Variants in NOVA1 observed in about 807,000 individuals in gnomAD.
The protein encoded by NOVA1 is RNA-binding protein Nova-1.
A neutral mutation model predicts 38.0 loss-of-function variants in NOVA1; 7 were observed. That is an observed-to-expected ratio of 0.18 (90% CI 0.10 to 0.35). The LOEUF (loss-of-function observed/expected upper bound fraction) is 0.35, where lower values mean the gene tolerates loss of function less well. Ranked by LOEUF, NOVA1 falls within the 10% of genes least tolerant of loss-of-function variation. The probability of loss-of-function intolerance (pLI) is 1.00; values close to 1 mark genes in which losing one functional copy is unlikely to be tolerated. For missense variants in NOVA1, 460 were observed against 616.0 expected, an observed-to-expected ratio of 0.75 and a Z score of 2.68; for synonymous variants, 270 against 232.5, an observed-to-expected ratio of 1.16 and a Z score of -1.47.
At chr14:26,473,220 A>T (rs188999529) in intron 3 of NOVA1, among the ~76,000 whole-genome samples, 3 of 151,798 alleles carry the variant, frequency 2.0e-5, no homozygotes, top group African/African-American at 7.2e-5. Context: ...AATATGTTGT[A>T]TAAGGCCATC....
intron 2 of NOVA1, among the ~76,000 whole-genome samples, chr14:26,594,787 C>T (rs1418440626): frequency 7.0e-6 from 1 of 141,910 alleles, no homozygotes; most frequent in African/African-American, 2.6e-5. Flanking sequence ...ACACTGTCAA[C>T]ATATTTAATC....
chr14:26,488,619 G>T (rs185940522), intron 2 of NOVA1, among the ~76,000 whole-genome samples: 16 of 152,054 alleles, frequency 1.1e-4, no homozygotes, highest in Non-Finnish European at 2.4e-4. Context: ...CTCAGCATAG[G>T]TTTATGCTAA....
chr14:26,552,930 C>T (rs549719481), intron 2 of NOVA1, among the ~76,000 whole-genome samples: 75 of 152,260 alleles, frequency 4.9e-4, no homozygotes, highest in African/African-American at 1.7e-3. Flanking sequence ...GAGATAGGAA[C>T]ATGCGATCAA....
At chr14:26,454,193 A>G (rs374640945) in intron 4 of NOVA1, among the ~76,000 whole-genome samples, 1 of 152,154 alleles carries the variant, frequency 6.6e-6, no homozygotes, top group Non-Finnish European at 1.5e-5. Context: ...AAGTTTTAAG[A>G]AAGTTTACGA....
At chr14:26,545,351 T>G (rs987477854) in intron 2 of NOVA1, among the ~76,000 whole-genome samples, 2 of 152,024 alleles carry the variant, frequency 1.3e-5, no homozygotes, top group African/African-American at 4.8e-5. Context: ...ATACAGAGGA[T>G]AGTAGCCTAG....
intron 4 of NOVA1, among the ~76,000 whole-genome samples, chr14:26,455,650 G>A (rs1883106609): frequency 6.6e-6 from 1 of 151,080 alleles, no homozygotes; most frequent in Non-Finnish European, 1.5e-5. Context: ...AAAATTTAAA[G>A]ATATACAACA....
intron 2 of NOVA1, among the ~76,000 whole-genome samples, chr14:26,589,243 T>A (rs1893703600): frequency 6.6e-6 from 1 of 151,716 alleles, no homozygotes. Context: ...AAGGGCTGAT[T>A]AATGAACAGG....
At chr14:26,490,925 C>T (rs1450520786) in intron 2 of NOVA1, among the ~76,000 whole-genome samples, 3 of 144,824 alleles carry the variant, frequency 2.1e-5, no homozygotes, top group African/African-American at 7.6e-5. Context: ...TCTCGGCTCA[C>T]TGCAAGCTCC....
intron 2 of NOVA1, among the ~76,000 whole-genome samples, chr14:26,496,607 C>T (rs1566478621): frequency 1.3e-5 from 2 of 152,084 alleles, no homozygotes; most frequent in Non-Finnish European, 1.5e-5. Flanking sequence ...GGTTTTCTTC[C>T]AGGCTGTTTA....
chr14:26,452,180 C>A (rs1420217284), intron 4 of NOVA1, among the ~76,000 whole-genome samples: 1 of 152,148 alleles, frequency 6.6e-6, no homozygotes, highest in Non-Finnish European at 1.5e-5. Context: ...ATCCTCTTTG[C>A]CTTACACTGT....
intron 2 of NOVA1, among the ~76,000 whole-genome samples, chr14:26,555,994 A>C (rs1409168253): frequency 6.6e-6 from 1 of 152,158 alleles, no homozygotes; most frequent in Non-Finnish European, 1.5e-5. Context: ...TATTCCAATG[A>C]AAGAAATCAA....
chr14:26,595,562 T>C lies in NOVA1; in HGVS notation c.137-9A>G. ...AAAATACTGGCCGTCTTCTGAAAAA[T>C]GCAAAGAAATATACTCGGTTAACAC... On this transcript the variant is annotated splice_polypyrimidine_tract_variant and intron_variant, in intron 1 of 4. Coordinates refer to ENST00000539517, the MANE Select transcript of NOVA1 (RefSeq NM_002515.3). 9.9e-6 allele frequency: 16 copies of C among 1,611,270 alleles called. No homozygotes were observed. Among genetic ancestry groups the C allele is most frequent in the Non-Finnish European group, 1.3e-5 (15 of 1,179,066 alleles).
chr14:26,546,075 A>C (rs537260189), intron 2 of NOVA1, among the ~76,000 whole-genome samples: 19 of 152,254 alleles, frequency 1.2e-4, no homozygotes, highest in African/African-American at 4.6e-4. Flanking sequence ...CAAAGATATG[A>C]GTATTATATC....
chr14:26,536,296 A>G (rs899500007), intron 2 of NOVA1, among the ~76,000 whole-genome samples: 4 of 152,118 alleles, frequency 2.6e-5, no homozygotes, highest in Non-Finnish European at 5.9e-5. Flanking sequence ...ACTATTTGAT[A>G]GTATAATAGG....
At chr14:26,494,209 C>G (rs1244221865) in intron 2 of NOVA1, among the ~76,000 whole-genome samples, 1 of 152,166 alleles carries the variant, frequency 6.6e-6, no homozygotes, top group Non-Finnish European at 1.5e-5. Context: ...TCCAAAACCT[C>G]TTTTATGAAT....
At chr14:26,529,528 G>C (rs929518638) in intron 2 of NOVA1, among the ~76,000 whole-genome samples, 1 of 152,164 alleles carries the variant, frequency 6.6e-6, no homozygotes, top group African/African-American at 2.4e-5. Context: ...TGATGCTCCA[G>C]CAATGGTGAA....
rs1881951743 is a variant in NOVA1 at position 26,444,856 on chromosome 14, CAAACAAA to C, written c.*3096_*3102del. Reference sequence around the variant, plus strand: ...AAAAACAAAAAAACAAACAAACAAACAAACAAAAAAAAAACAAAAAAACTGCAATGCA... The same window carrying C: ...AAAAACAAAAAAACAAACAAACAAACAAAAAAACAAAAAAACTGCAATGCA... On this transcript the variant is annotated 3_prime_UTR_variant, in exon 5 of 5. Transcript: ENST00000539517. 1 of 141,652 alleles carries C rather than the reference CAAACAAA, an allele frequency of 7.1e-6. No homozygotes were observed. Among genetic ancestry groups the C allele is most frequent in the Admixed American group, 6.9e-5 (1 of 14,530 alleles). The allele number at this position is 141,652 out of a possible 1,614,324, so 8.8% of individuals were successfully genotyped here.
chr14:26,557,528 A>T (rs1373835828), intron 2 of NOVA1, among the ~76,000 whole-genome samples: 3 of 141,084 alleles, frequency 2.1e-5, no homozygotes, highest in Admixed American at 2.1e-4. Flanking sequence ...TGACTGGCTA[A>T]TTTTTTTTTT....
At chr14:26,570,307 A>G (rs146437725) in intron 2 of NOVA1, among the ~76,000 whole-genome samples, 5 of 152,224 alleles carry the variant, frequency 3.3e-5, no homozygotes, top group African/African-American at 9.6e-5. Flanking sequence ...TGATCGCGCC[A>G]CTGCACTCCA....
Sources: gnomAD v4.1 joint callset for allele counts (sites outside exome capture counted in the v4.1 genomes callset) on GRCh38, gnomAD v4.1.1 for gene constraint, MANE v1.5 for transcripts, NCBI Gene and HGNC (gene_info 2026-07-23, HGNC 2026-07-21) for gene names.